FOXN3: variants seen among roughly 807,000 people sequenced by gnomAD.
The protein encoded by FOXN3 is forkhead box protein N3.
Under a neutral mutation model 38.4 loss-of-function variants are expected in FOXN3, and 7 were observed. The observed-to-expected ratio is 0.18, with a 90% confidence interval of 0.10 to 0.34. The LOEUF is 0.34. FOXN3 is among the 10% of genes least tolerant of loss of function. The pLI, the probability that FOXN3 is intolerant of heterozygous loss-of-function variation, is 1.00. For synonymous variants in FOXN3, 230 were observed against 242.2 expected (o/e 0.95, Z 0.47); for missense variants, 456 against 613.4 (o/e 0.74, Z 2.71).
intron 2 of FOXN3, among the ~76,000 whole-genome samples, chr14:89,375,438 T>C (rs908779565): frequency 1.3e-5 from 2 of 152,232 alleles, no homozygotes; most frequent in Non-Finnish European, 2.9e-5. Flanking sequence ...AATTCAATAC[T>C]GATTATGTAT....
rs115289640 is a variant in FOXN3 at position 89,536,500 on chromosome 14, C to T, written c.-15+82528G>A. Among the ~76,000 whole-genome samples the T allele has an allele frequency of 8.3e-3, 1,268 of 152,070 alleles. 10 individuals carry two copies. The highest frequency in any genetic ancestry group is 0.026 in the African/African-American group (1,078 of 41,522). ...GAGGCTTATAAAGATTAAATAAGGT[C>T]GGCGGGCGCGGTGGCTCACGCCTAT... On this transcript the variant is annotated intron_variant, in intron 1 of 6. Coordinates refer to the FOXN3 transcript ENST00000345097.
chr14:89,277,085 T>C (rs1477682514), intron 4 of FOXN3, among the ~76,000 whole-genome samples: 1 of 152,072 alleles, frequency 6.6e-6, no homozygotes, highest in African/African-American at 2.4e-5. Context: ...TTAAGTTTGA[T>C]GGGTGAATGG....
At chr14:89,390,311 CTCTA>C (rs1424194968) in intron 2 of FOXN3, among the ~76,000 whole-genome samples, 4 of 139,310 alleles carry the variant, frequency 2.9e-5, no homozygotes, top group East Asian at 2.0e-4. Context: ...CTCTCTCTCT[CTCTA>C]TATATATATA....
chr14:89,237,391 T>C (rs1233043781), intron 4 of FOXN3, among the ~76,000 whole-genome samples: 4 of 152,184 alleles, frequency 2.6e-5, no homozygotes, highest in African/African-American at 9.7e-5. Flanking sequence ...CATGAGAATG[T>C]AAAATGGTAC....
chr14:89,318,809 C>T (rs1393768362), intron 3 of FOXN3, among the ~76,000 whole-genome samples: 2 of 152,210 alleles, frequency 1.3e-5, no homozygotes, highest in African/African-American at 2.4e-5. Flanking sequence ...CTTCCTGCAC[C>T]GTGGCCAGAT....
At chr14:89,399,157 A>G (rs78678046) in intron 2 of FOXN3, among the ~76,000 whole-genome samples, 21,971 of 152,232 alleles carry the variant, frequency 0.14, 1,695 homozygotes, top group Non-Finnish European at 0.18. Flanking sequence ...CCAGGGCTGA[A>G]CGCTTGGCCC....
At chr14:89,250,196 G>T (rs1023394365) in intron 4 of FOXN3, among the ~76,000 whole-genome samples, 1 of 152,162 alleles carries the variant, frequency 6.6e-6, no homozygotes, top group Non-Finnish European at 1.5e-5. Context: ...CTGTAGCCTT[G>T]ACTTCCTGGG....
chr14:89,158,276 C>T lies in FOXN3; in HGVS notation c.*4138G>A, dbSNP rs1307103014. ...CCACCTGGTTCTCACTCTACAGAGCCCACTGCCTGATGCTGTCCCTCAGGC... is the reference window on the plus strand; with the variant it reads ...CCACCTGGTTCTCACTCTACAGAGCTCACTGCCTGATGCTGTCCCTCAGGC... On this transcript the variant is annotated 3_prime_UTR_variant, in exon 6 of 6. Coordinates refer to ENST00000557258, the MANE Select transcript of FOXN3 (RefSeq NM_005197.4). 3 of 152,292 alleles carry T rather than the reference C, an allele frequency of 2.0e-5. No individual in the cohort carries two copies. Among genetic ancestry groups the T allele is most frequent in the Admixed American group, 6.5e-5 (1 of 15,280 alleles). 9.4% of individuals were successfully genotyped at this position (152,292 alleles called of 1,614,324 possible).
chr14:89,291,117 T>C, intron 3 of FOXN3: 1 of 514,912 alleles, frequency 1.9e-6, no homozygotes. Context: ...CCTGTTAGTG[T>C]AAAAGGTGGC....
At chr14:89,324,433 TAA>T (rs1887981934) in intron 3 of FOXN3, among the ~76,000 whole-genome samples, 2 of 138,086 alleles carry the variant, frequency 1.4e-5, no homozygotes, top group African/African-American at 5.7e-5. Flanking sequence ...TTGAAACAGC[TAA>T]GTGTGTGCGT....
chr14:89,515,693 G>A (rs1894186471), intron 1 of FOXN3, among the ~76,000 whole-genome samples: 1 of 152,132 alleles, frequency 6.6e-6, no homozygotes, highest in Admixed American at 6.5e-5. Context: ...CCGGGACCGT[G>A]CCACTGTACT....
chr14:89,218,533 G>A (rs1010470927), intron 4 of FOXN3, among the ~76,000 whole-genome samples: 3 of 152,202 alleles, frequency 2.0e-5, no homozygotes, highest in Admixed American at 1.3e-4. Flanking sequence ...GAAGACAAAC[G>A]TATACATTGT....
chr14:89,183,510 C>T (rs1887725891), intron 4 of FOXN3, among the ~76,000 whole-genome samples: 1 of 152,040 alleles, frequency 6.6e-6, no homozygotes, highest in African/African-American at 2.4e-5. Context: ...TGAAAATATA[C>T]TATGGTACAT....
In FOXN3 at chr14:89,348,041, T is replaced by C. The variant is rs559297043; in HGVS notation, c.680+2631A>G. 6.2e-4 allele frequency among the ~76,000 whole-genome samples: 95 copies of C among 152,302 alleles called. No individual in the cohort carries two copies. In the South Asian group the frequency reaches 0.018, roughly 30 times the overall value. On this transcript the variant is annotated intron_variant, in intron 3 of 5. Coordinates refer to ENST00000557258, the MANE Select transcript of FOXN3 (RefSeq NM_005197.4). Reference sequence around the variant, plus strand: ...TTGGATGTGAGCAAGGTCTGGGCAGTGCTCTCAAATGTCTCGCTTTTCCCG... The same window carrying C: ...TTGGATGTGAGCAAGGTCTGGGCAGCGCTCTCAAATGTCTCGCTTTTCCCG...
intron 1 of FOXN3, among the ~76,000 whole-genome samples, chr14:89,601,471 G>C (rs996167381): frequency 2.0e-5 from 3 of 152,100 alleles, no homozygotes; most frequent in Admixed American, 6.5e-5. Context: ...ATTTAACTTA[G>C]GTCCATATGC....
At chr14:89,445,081 C>T (rs1256381536) in intron 1 of FOXN3, among the ~76,000 whole-genome samples, 2 of 151,802 alleles carry the variant, frequency 1.3e-5, no homozygotes, top group Non-Finnish European at 1.5e-5. Flanking sequence ...ATGATTGAGC[C>T]ACTGCACTCC....
At chr14:89,520,790 G>C (rs966915944) in intron 1 of FOXN3, among the ~76,000 whole-genome samples, 2 of 152,128 alleles carry the variant, frequency 1.3e-5, no homozygotes, top group African/African-American at 4.8e-5. Flanking sequence ...AATAGAGCCT[G>C]TACTGGAGAA....
intron 2 of FOXN3, among the ~76,000 whole-genome samples, chr14:89,403,981 G>A (rs1275440649): frequency 4.6e-5 from 7 of 152,206 alleles, no homozygotes; most frequent in African/African-American, 1.7e-4. Context: ...CTAGTGAGAG[G>A]GAGACTCTGA....
At position 89,369,072 on chromosome 14, in the gene FOXN3, T is replaced by C. The variant is rs367588787; in HGVS notation, c.544-18264A>G. Among the ~76,000 whole-genome samples the C allele has an allele frequency of 3.3e-5, 5 of 152,128 alleles. No homozygotes were observed. In the South Asian group the frequency reaches 8.3e-4, roughly 25 times the overall value. Reference sequence around the variant, plus strand: ...GACTCCTAGAGCCACTCTACCAATCTTCCTGGGGGAGGGGAGAGGCAGAGA... The same window carrying C: ...GACTCCTAGAGCCACTCTACCAATCCTCCTGGGGGAGGGGAGAGGCAGAGA... On this transcript the variant is annotated intron_variant, in intron 2 of 5. Transcript: ENST00000557258.
Sources: allele counts gnomAD v4.1 joint callset (sites outside exome capture counted in the v4.1 genomes callset), GRCh38; gene constraint gnomAD v4.1.1; transcripts MANE v1.5; gene names NCBI Gene and HGNC (gene_info 2026-07-23, HGNC 2026-07-21).